Variants in GORASP2 observed in about 807,000 individuals in gnomAD.
GORASP2 encodes Golgi reassembly-stacking protein 2.
A neutral mutation model predicts 45.7 loss-of-function variants in GORASP2; 22 were observed. That is an observed-to-expected ratio of 0.48 (90% CI 0.34 to 0.69). The LOEUF (loss-of-function observed/expected upper bound fraction) is 0.69, where lower values mean the gene tolerates loss of function less well. Ranked by LOEUF, GORASP2 falls within the 30% of genes least tolerant of loss-of-function variation. GORASP2 has a pLI of 0.01. For synonymous variants in GORASP2, 221 were observed against 215.6 expected (o/e 1.02, Z -0.22); for missense variants, 491 against 562.7 (o/e 0.87, Z 1.29).
intron 4 of GORASP2, 105 bp from the exon 5 acceptor site, chr2:170,951,223 G>T (rs780220783): frequency 4.8e-6 from 4 of 836,546 alleles, no homozygotes; most frequent in Non-Finnish European, 7.4e-6. Context: ...CCCAGAATCT[G>T]TATTTTTTTC....
chr2:170,953,750 G>A (rs1413003802), intron 5 of GORASP2: 2 of 152,252 alleles, frequency 1.3e-5, no homozygotes, highest in Non-Finnish European at 2.9e-5. Flanking sequence ...AGAACCAGAT[G>A]TAGAAAGGAC....
At chr2:170,932,816 A>G (rs995280658) in intron 1 of GORASP2, among the ~76,000 whole-genome samples, 6 of 152,246 alleles carry the variant, frequency 3.9e-5, no homozygotes, top group Non-Finnish European at 7.3e-5. Context: ...TTCAAGGACT[A>G]TATGGCCAAA....
chr2:170,933,826 GGA>G (rs1408267063), intron 1 of GORASP2, among the ~76,000 whole-genome samples: 1 of 152,122 alleles, frequency 6.6e-6, no homozygotes, highest in African/African-American at 2.4e-5. Context: ...CTTGCTTCTG[GGA>G]GAGATTTTGA....
At position 170,931,541 on chromosome 2, in the gene GORASP2, A is replaced by G. The variant is rs1323066799; in HGVS notation, c.63+2138A>G. ...CAACAAGTTCTAGAACGATTTAATT[A>G]GAAGTTAGTTTTCTTGAATAACCAA... On this transcript the variant is annotated intron_variant, in intron 1 of 9. Transcript: ENST00000234160. Among the ~76,000 whole-genome samples the G allele has an allele frequency of 3.3e-5, 5 of 152,368 alleles. No homozygotes were observed. In the South Asian group the frequency reaches 1.0e-3, roughly 32 times the overall value.
At chr2:170,951,544 G>T in intron 5 of GORASP2, 86 bp downstream of exon 5, 1 of 1,044,072 alleles carries the variant, frequency 9.6e-7, no homozygotes, top group South Asian at 1.7e-5. Context: ...TATTTTGAAA[G>T]AAATTACTGG....
intron 1 of GORASP2, among the ~76,000 whole-genome samples, chr2:170,943,522 C>T (rs990366264): frequency 6.6e-6 from 1 of 152,200 alleles, no homozygotes; most frequent in African/African-American, 2.4e-5. Flanking sequence ...TTATCCCTTA[C>T]TTGCAAATGA....
At chr2:170,964,830 C>T (rs1315268832) in intron 9 of GORASP2, among the ~76,000 whole-genome samples, 7 of 150,518 alleles carry the variant, frequency 4.7e-5, no homozygotes, top group Non-Finnish European at 1.0e-4. Context: ...TGAACCTGTG[C>T]TTTACACCCT....
At chr2:170,951,304 T>G (rs1417440950) in intron 4 of GORASP2, 24 bp from the exon 5 acceptor site, 2 of 1,578,314 alleles carry the variant, frequency 1.3e-6, no homozygotes, top group East Asian at 4.6e-5. Context: ...ACGTGAAACA[T>G]TTTCTCCTGT....
intron 1 of GORASP2, among the ~76,000 whole-genome samples, chr2:170,934,491 C>G (rs1703899721): frequency 6.6e-6 from 1 of 151,928 alleles, no homozygotes; most frequent in African/African-American, 2.4e-5. Context: ...AACTCCTGAC[C>G]TCAAGTGATC....
chr2:170,948,966 G>GGAC (rs1704237207), intron 2 of GORASP2, among the ~76,000 whole-genome samples: 1 of 152,082 alleles, frequency 6.6e-6, no homozygotes, highest in Non-Finnish European at 1.5e-5. Context: ...CAAATTCTTA[G>GGAC]GACAGTAGCC....
chr2:170,954,809 A>G, intron 6 of GORASP2, 27 bp downstream of exon 6: 1 of 1,585,682 alleles, frequency 6.3e-7, no homozygotes, highest in Non-Finnish European at 8.6e-7. Context: ...ACCTGAGTAT[A>G]TCATAAAGTT....
intron 2 of GORASP2, 49 bp downstream of exon 2, chr2:170,948,479 A>C: frequency 9.6e-7 from 1 of 1,037,284 alleles, no homozygotes; most frequent in Non-Finnish European, 1.5e-6. Context: ...TAATCTCTCA[A>C]AAATGGAATT....
intron 2 of GORASP2, among the ~76,000 whole-genome samples, chr2:170,949,079 A>C: frequency 6.6e-6 from 1 of 152,180 alleles, no homozygotes. Context: ...TTATTTGTTT[A>C]TGAAATGAAA....
At chr2:170,936,836 C>G in intron 1 of GORASP2, 1 of 362,474 alleles carries the variant, frequency 2.8e-6, no homozygotes, top group African/African-American at 2.1e-5. Flanking sequence ...CTGCAGCGAG[C>G]TATCCTCACA....
intron 1 of GORASP2, among the ~76,000 whole-genome samples, chr2:170,941,544 C>T (rs1704077714): frequency 6.6e-6 from 1 of 152,198 alleles, no homozygotes; most frequent in African/African-American, 2.4e-5. Context: ...CTCCCACCTC[C>T]ACAGGATGAA....
chr2:170,956,508 G>A lies in GORASP2; in HGVS notation c.772G>A (p.Gly258Arg). 1 of 1,613,108 alleles carries A rather than the reference G, an allele frequency of 6.2e-7. No individual in the cohort carries two copies. Among genetic ancestry groups the A allele is most frequent in the Non-Finnish European group, 8.5e-7 (1 of 1,179,292 alleles). ...TACAGGAATTGAACAGAGTCTGACTGGACTTTCTATTAGCTCAACTCCACC... is the reference window on the plus strand; with the variant it reads ...TACAGGAATTGAACAGAGTCTGACTAGACTTTCTATTAGCTCAACTCCACC... ...GTTGIEQSLT[G>R]LSISSTPPAV... Residue 258 changes from glycine to arginine, a missense_variant, in exon 7 of 10, where the codon GGA (glycine) becomes AGA (arginine). Gly to Arg is a moderately radical substitution (Grantham distance 125, BLOSUM62 -2). This residue lies in a region of GORASP2 where 297 missense variants were observed against 292.3 expected (regional missense o/e 1.02). Transcript: ENST00000234160.
At chr2:170,955,912 TTC>T (rs1277105373) in intron 6 of GORASP2, among the ~76,000 whole-genome samples, 1 of 152,232 alleles carries the variant, frequency 6.6e-6, no homozygotes, top group Non-Finnish European at 1.5e-5. Context: ...ACTCCTTTTT[TTC>T]TTCTCCTGAA....
At chr2:170,930,772 A>C (rs1470491636) in intron 1 of GORASP2, among the ~76,000 whole-genome samples, 1 of 152,184 alleles carries the variant, frequency 6.6e-6, no homozygotes, top group Non-Finnish European at 1.5e-5. Flanking sequence ...GAGAATTGTC[A>C]GTTCCCAAAT....
In GORASP2 at chr2:170,954,776, T is replaced by C. The variant is rs1437343209; in HGVS notation, c.693T>C (p.Phe231=). ...GTPITPLKDG[F]TEVQLSSVNP... ...CTATTACACCTCTTAAAGATGGGTT[T>C]ACAGAGGTAAGATCACGTTCCTACC... The change falls in exon 6 of 10, where the codon TTT becomes TTC. Residue 231 remains phenylalanine (F), a synonymous_variant. Coordinates refer to ENST00000234160, the MANE Select transcript of GORASP2 (RefSeq NM_015530.5). The C allele has an allele frequency of 4.3e-6, 7 of 1,611,008 alleles. No individual in the cohort carries two copies. The African/African-American group carries it at 5.3e-5, about 12-fold the overall frequency.
Sources: allele counts gnomAD v4.1 joint callset (sites outside exome capture counted in the v4.1 genomes callset), GRCh38; gene constraint gnomAD v4.1.1; regional missense constraint gnomAD v4.1.1; transcripts MANE v1.5; gene names NCBI Gene and HGNC (gene_info 2026-07-23, HGNC 2026-07-21).